The following KCNAB2 variants were observed in gnomAD, a reference collection of about 807,000 sequenced individuals.
The protein encoded by KCNAB2 is voltage-gated potassium channel subunit beta-2.
Under a neutral mutation model 63.6 loss-of-function variants are expected in KCNAB2, and 29 were observed. The observed-to-expected ratio is 0.46, with a 90% CI of 0.34 to 0.62. KCNAB2 has a LOEUF of 0.62. KCNAB2 is among the 20% of genes least tolerant of loss of function. The pLI is 0.01. For missense variants in KCNAB2, 359 were observed against 563.9 expected (o/e 0.64, Z 3.68); for synonymous variants, 222 against 224.2 (o/e 0.99, Z 0.09).
chr1:6,054,938 G>A (rs987357243), intron 2 of KCNAB2, among the ~76,000 whole-genome samples: 6 of 152,184 alleles, frequency 3.9e-5, no homozygotes, highest in African/African-American at 1.2e-4. Context: ...TTACTTGGGC[G>A]TGGAAAGTTG....
rs767683221 is a variant in KCNAB2 at position 6,073,697 on chromosome 1, C to A, written c.263-36C>A. The stretch of plus-strand genomic sequence containing the variant: ...CCGACGGGATAATCTGGCTTCCTGC[C>A]AGGTTCCTAACTTGAGCCCCTGTGT... On this transcript the variant is annotated intron_variant, in intron 3 of 15. Coordinates refer to ENST00000378083, the MANE Select transcript of KCNAB2 (RefSeq NM_001199862.2). This position sits in a 1 kb window ranked among gnomAD's most constrained non-coding sequence, Gnocchi z 5.7. 2.5e-6 allele frequency: 4 copies of A among 1,612,320 alleles called. No homozygotes were observed. Among genetic ancestry groups the A allele is most frequent in the Non-Finnish European group, 2.5e-6 (3 of 1,178,356 alleles).
chr1:6,088,977 T>C (rs2100755020), intron 7 of KCNAB2, 31 bp from the exon 8 acceptor site: 1 of 1,547,460 alleles, frequency 6.5e-7, no homozygotes, highest in African/African-American at 1.4e-5. Flanking sequence ...AAACCGCTGG[T>C]GACATCACAC....
At chr1:6,006,769 G>A (rs890272683) in intron 1 of KCNAB2, among the ~76,000 whole-genome samples, 3 of 141,870 alleles carry the variant, frequency 2.1e-5, no homozygotes, top group Non-Finnish European at 3.0e-5. Flanking sequence ...TCAGTGCTCT[G>A]TCAGAAGCGC....
chr1:6,088,971 C>T (rs1188781375), intron 7 of KCNAB2, 37 bp from the exon 8 acceptor site: 3 of 1,546,280 alleles, frequency 1.9e-6, no homozygotes, highest in African/African-American at 1.4e-5. Context: ...GTGCCAAAAC[C>T]GCTGGTGACA....
upstream of KCNAB2, among the ~76,000 whole-genome samples, chr1:6,044,134 A>G (rs1660728676): frequency 1.3e-5 from 2 of 152,204 alleles, no homozygotes; most frequent in Non-Finnish European, 2.9e-5. Flanking sequence ...AGTAAGTCTC[A>G]GGAACCAGCC....
upstream of KCNAB2, among the ~76,000 whole-genome samples, chr1:6,032,484 G>A (rs1169949444): frequency 6.6e-6 from 1 of 151,894 alleles, no homozygotes; most frequent in East Asian, 1.9e-4. Context: ...GGCTGAGGCA[G>A]GAGAATCACT....
rs980155076 is a variant in KCNAB2, at chr1:6,096,449, C to T, written c.949-187C>T. ...CCCCGCTCATCCACCAGCCCGTGCC[C>T]GGCCCACTGCCCACTCTCCCCTACT... On this transcript the variant is annotated intron_variant, in intron 13 of 15. Transcript: ENST00000378083. This position sits in a 1 kb window ranked among gnomAD's most constrained non-coding sequence, Gnocchi z 5.9. 2.6e-5 allele frequency: 20 copies of T among 754,924 alleles called. No individual in the cohort carries two copies. The highest frequency in any genetic ancestry group is 4.0e-5 in the Non-Finnish European group (19 of 471,724). The allele number at this position is 754,924 out of a possible 1,614,324, so 46.8% of individuals were successfully genotyped here.
At position 6,074,998 on chromosome 1, in the gene KCNAB2, C is replaced by T. The variant is rs1473199518; in HGVS notation, c.300+1228C>T. On this transcript the variant is annotated intron_variant, in intron 4 of 15. Transcript: ENST00000378083. This position sits in a 1 kb window ranked among gnomAD's most constrained non-coding sequence, Gnocchi z 4.9. ...AATAGCTGGTTATAGAATGATTTGC[C>T]CCTTGCTTTGAAGTTGCTGGATAGG... Among the ~76,000 whole-genome samples, 1 of 151,816 alleles carries T rather than the reference C, an allele frequency of 6.6e-6. No individual in the cohort carries two copies. Among genetic ancestry groups the T allele is most frequent in the African/African-American group, 2.4e-5 (1 of 41,290 alleles).
rs1341067742 is a variant in KCNAB2, at chr1:5,994,782, G to C, written c.-53+1994G>C. 6.6e-6 allele frequency among the ~76,000 whole-genome samples: 1 copy of C among 152,204 alleles called. No homozygotes were observed. The highest frequency in any genetic ancestry group is 2.4e-5 in the African/African-American group (1 of 41,440). On this transcript the variant is annotated intron_variant, in intron 1 of 16. Transcript: ENST00000341524. The surrounding 1 kb of genome is among the most constrained non-coding windows in gnomAD (Gnocchi z 5.4). ...GCTGGAAAGGCCGAGGGTGCCATGGGCTGGCCAGCTAGAGAAGGCTTCCTC... is the reference window on the plus strand; with the variant it reads ...GCTGGAAAGGCCGAGGGTGCCATGGCCTGGCCAGCTAGAGAAGGCTTCCTC...
chr1:6,004,944 A>G (rs1657476607), intron 1 of KCNAB2, among the ~76,000 whole-genome samples: 1 of 132,270 alleles, frequency 7.6e-6, no homozygotes, highest in African/African-American at 2.9e-5. Context: ...GTGAGGGTGG[A>G]GTGGGGGGAT....
chr1:6,061,533 G>A (rs537561497), intron 2 of KCNAB2, among the ~76,000 whole-genome samples: 1 of 152,350 alleles, frequency 6.6e-6, no homozygotes, highest in East Asian at 1.9e-4. Flanking sequence ...ACTTGGGCTG[G>A]ACAATTCTCT....
At chr1:6,067,244 T>C (rs1318772278) in intron 2 of KCNAB2, among the ~76,000 whole-genome samples, 1 of 152,226 alleles carries the variant, frequency 6.6e-6, no homozygotes, top group Non-Finnish European at 1.5e-5. Flanking sequence ...ATTAGGTCTC[T>C]GGTTCCCAGG....
intron 2 of KCNAB2, among the ~76,000 whole-genome samples, chr1:6,058,573 G>A (rs1225841500): frequency 6.6e-6 from 1 of 152,242 alleles, no homozygotes; most frequent in Non-Finnish European, 1.5e-5. Context: ...GGAGAGAAAT[G>A]CAGGCCCTTC....
intron 2 of KCNAB2, among the ~76,000 whole-genome samples, chr1:6,061,379 G>A (rs1176422734): frequency 3.9e-5 from 6 of 151,948 alleles, no homozygotes; most frequent in South Asian, 4.1e-4. Context: ...GGGGGCTCAC[G>A]CCTGTCATCC....
intron 1 of KCNAB2, among the ~76,000 whole-genome samples, chr1:6,014,449 T>C (rs1658368297): frequency 6.6e-6 from 1 of 152,244 alleles, no homozygotes. Flanking sequence ...CTACGCTTAT[T>C]TCATTTCAGT....
chr1:6,096,884 C>T lies in KCNAB2; in HGVS notation c.1069+128C>T. On this transcript the variant is annotated intron_variant, in intron 14 of 15. Transcript: ENST00000378083. This position sits in a 1 kb window ranked among gnomAD's most constrained non-coding sequence, Gnocchi z 5.9. ...AGAGAGGGAAGGGATCCCTGGACAT[C>T]ATCCCCCAGCCAGCCTCGGGTAATC... 1 of 1,239,468 alleles carries T rather than the reference C, an allele frequency of 8.1e-7. No individual in the cohort carries two copies. The highest frequency in any genetic ancestry group is 2.9e-5 in the Admixed American group (1 of 34,950). 76.8% of individuals were successfully genotyped at this position (1,239,468 alleles called of 1,614,324 possible).
At chr1:6,049,753 A>G (rs543477116) in intron 1 of KCNAB2, among the ~76,000 whole-genome samples, 2 of 152,340 alleles carry the variant, frequency 1.3e-5, no homozygotes, top group African/African-American at 4.8e-5. Flanking sequence ...TTGCATGTTC[A>G]TGCAACAGGC....
rs1265564012 is a variant in KCNAB2 at position 6,087,995 on chromosome 1, CT to C, written c.470+486del. Among the ~76,000 whole-genome samples, 26 of 152,156 alleles carry C rather than the reference CT, an allele frequency of 1.7e-4. No individual in the cohort carries two copies. The highest frequency in any genetic ancestry group is 6.3e-4 in the African/African-American group (26 of 41,432). ...CTCCATAGTTTCTGGGCTGGACACA[CT>C]TGGGCTCATAGGAATTATAACTACG... On this transcript the variant is annotated intron_variant, in intron 7 of 15. Transcript: ENST00000378083. This position sits in a 1 kb window ranked among gnomAD's most constrained non-coding sequence, Gnocchi z 6.4.
chr1:6,043,906 G>T (rs561080407), upstream of KCNAB2, among the ~76,000 whole-genome samples: 2 of 152,224 alleles, frequency 1.3e-5, no homozygotes, highest in African/African-American at 2.4e-5. Flanking sequence ...TCTGCGGGTT[G>T]ACCAGGCAGC....
Sources: gnomAD v4.1 joint callset for allele counts (sites outside exome capture counted in the v4.1 genomes callset) on GRCh38, gnomAD v4.1.1 for gene constraint, Gnocchi (gnomAD v3.1) non-coding constraint, MANE v1.5 for transcripts, NCBI Gene and HGNC (gene_info 2026-07-23, HGNC 2026-07-21) for gene names.